SLC22A23: variants seen among roughly 807,000 people sequenced by gnomAD.
SLC22A23 encodes solute carrier family 22 member 23.
SLC22A23 carries 26 observed loss-of-function variants against 61.0 expected under a neutral mutation model. The observed-to-expected ratio is 0.43, with a 90% CI of 0.31 to 0.59. The LOEUF is 0.59. Ranked by LOEUF, SLC22A23 falls within the 20% of genes least tolerant of loss-of-function variation. SLC22A23 has a pLI of 0.11. For missense variants in SLC22A23, 796 were observed against 934.7 expected (o/e 0.85, Z 1.94); for synonymous variants, 430 against 413.9 (o/e 1.04, Z -0.47).
intron 3 of SLC22A23, among the ~76,000 whole-genome samples, chr6:3,406,205 AT>A (rs977134763): frequency 6.6e-6 from 1 of 152,180 alleles, no homozygotes; most frequent in Non-Finnish European, 1.5e-5. Flanking sequence ...TTTAAACAGT[AT>A]TTTTTATTTA....
At chr6:3,302,390 T>G (rs1437013315) in intron 4 of SLC22A23, among the ~76,000 whole-genome samples, 1 of 152,206 alleles carries the variant, frequency 6.6e-6, no homozygotes, top group Non-Finnish European at 1.5e-5. Flanking sequence ...ACTTTTTGTT[T>G]CATTGATCTT....
In SLC22A23 at chr6:3,324,115, T is replaced by G; in HGVS notation, c.914-113A>C. The stretch of plus-strand genomic sequence containing the variant: ...AACCCACCAACGACTGAAATTGTTT[T>G]CATCTGCTGCCCACCACAAGTGCCC... On this transcript the variant is annotated intron_variant, in intron 3 of 9. Coordinates refer to ENST00000406686, the MANE Select transcript of SLC22A23 (RefSeq NM_015482.2). The surrounding 1 kb of genome is among the most constrained non-coding windows in gnomAD (Gnocchi z 4.3). 7.5e-7 allele frequency: 1 copy of G among 1,336,900 alleles called. No individual in the cohort carries two copies. Among genetic ancestry groups the G allele is most frequent in the Non-Finnish European group, 1.0e-6 (1 of 969,272 alleles). The allele number at this position is 1,336,900 out of a possible 1,614,324, so 82.8% of individuals were successfully genotyped here.
intron 8 of SLC22A23, 31 bp downstream of exon 8, chr6:3,285,048 A>G (rs1442037569): frequency 1.2e-6 from 2 of 1,611,540 alleles, no homozygotes; most frequent in Non-Finnish European, 1.7e-6. Flanking sequence ...ATATGAGACG[A>G]GGAAGCACAG....
rs753504552 is a variant in SLC22A23, at chr6:3,273,234, C to T, written c.1882G>A (p.Glu628Lys). 6.2e-7 allele frequency: 1 copy of T among 1,612,822 alleles called. No individual in the cohort carries two copies. The highest frequency in any genetic ancestry group is 1.3e-5 in the African/African-American group (1 of 75,060). ...LPESRDQNLP[E>K]NISNGEHYTR... The stretch of plus-strand genomic sequence containing the variant: ...TAGTGCTCCCCGTTAGAAATGTTCT[C>T]AGGCAGGTTCTGGTCCCTGCTCTCG... Residue 628 changes from glutamate to lysine, a missense_variant, in exon 10 of 10, where the codon GAG becomes AAG. Physicochemically the swap from Glu to Lys is moderately conservative, Grantham distance 56. Transcript: ENST00000406686.
intron 3 of SLC22A23, among the ~76,000 whole-genome samples, chr6:3,337,465 A>T (rs1275914402): frequency 2.0e-5 from 3 of 149,648 alleles, no homozygotes; most frequent in African/African-American, 2.5e-5. Flanking sequence ...TTTTTTTTTA[A>T]ATCCTGCCTT....
At chr6:3,436,290 C>A (rs1771206744) in intron 1 of SLC22A23, among the ~76,000 whole-genome samples, 1 of 152,100 alleles carries the variant, frequency 6.6e-6, no homozygotes, top group Non-Finnish European at 1.5e-5. Flanking sequence ...TGCCCGCCAC[C>A]ACGTCCAGCT....
intron 3 of SLC22A23, among the ~76,000 whole-genome samples, chr6:3,362,774 C>CCT (rs1479001316): frequency 1.3e-5 from 2 of 152,144 alleles, no homozygotes; most frequent in Admixed American, 6.5e-5. Context: ...AGCAGGTAGA[C>CCT]CTCCAGGACC....
chr6:3,429,595 A>G (rs1320123695), intron 1 of SLC22A23, among the ~76,000 whole-genome samples: 1 of 152,242 alleles, frequency 6.6e-6, no homozygotes, highest in East Asian at 1.9e-4. Context: ...ATACAAAGAT[A>G]TGTACACCCA....
chr6:3,369,387 A>G (rs967680223), intron 3 of SLC22A23, among the ~76,000 whole-genome samples: 10 of 152,170 alleles, frequency 6.6e-5, no homozygotes, highest in Admixed American at 4.6e-4. Flanking sequence ...TCCATGGATA[A>G]CTGATTAGAA....
At position 3,426,494 on chromosome 6, in the gene SLC22A23, G is replaced by GA. The variant is rs35926887; in HGVS notation, c.655-10640dup. Among the ~76,000 whole-genome samples the GA allele has an allele frequency of 8.6e-3, 1,280 of 148,166 alleles. 21 individuals are homozygous for GA. The highest frequency in any genetic ancestry group is 0.03 in the African/African-American group (1,192 of 40,082). ...AAACTCTTACAACAGGAAGGATTAGGAAAAAAAAAAAATTAACATTTTAAT... is the reference window on the plus strand; with the variant it reads ...AAACTCTTACAACAGGAAGGATTAGGAAAAAAAAAAAAATTAACATTTTAAT... On this transcript the variant is annotated intron_variant, in intron 1 of 9. Coordinates refer to ENST00000406686, the MANE Select transcript of SLC22A23 (RefSeq NM_015482.2).
In SLC22A23 at chr6:3,273,108, C is replaced by T. The variant is rs150444727; in HGVS notation, c.2008G>A (p.Ala670Thr). Residue 670 changes from alanine (A) to threonine (T), a missense_variant, in exon 10 of 10, where the codon GCG (alanine) becomes ACG (threonine). Ala to Thr is a moderately conservative substitution (Grantham distance 58). Coordinates refer to ENST00000406686, the MANE Select transcript of SLC22A23 (RefSeq NM_015482.2). ...DYSGLHDAAA[A>T]GDTLPEGATA... is the part of the protein sequence containing the mutation. ...GCACCCTCGGGCAGTGTGTCACCCG[C>T]GGCTGCGGCATCGTGGAGGCCCGAG... The T allele has an allele frequency of 8.1e-5, 129 of 1,598,948 alleles. No homozygotes were observed. In the African/African-American group the frequency reaches 8.4e-4, roughly 10 times the overall value.
intron 9 of SLC22A23, among the ~76,000 whole-genome samples, chr6:3,280,141 CGAA>C (rs568725626): frequency 1.5e-3 from 222 of 152,280 alleles, no homozygotes; most frequent in Middle Eastern, 3.4e-3. Context: ...AGATGCCCAG[CGAA>C]GAAGAAGAAT....
intron 4 of SLC22A23, among the ~76,000 whole-genome samples, chr6:3,314,930 T>C (rs1762552306): frequency 5.3e-5 from 8 of 152,190 alleles, no homozygotes; most frequent in Admixed American, 5.2e-4. Flanking sequence ...GTGATCCTTC[T>C]CTAATTTCCT....
At chr6:3,278,866 C>G (rs930428110) in intron 9 of SLC22A23, among the ~76,000 whole-genome samples, 2 of 152,138 alleles carry the variant, frequency 1.3e-5, no homozygotes, top group Non-Finnish European at 2.9e-5. Flanking sequence ...CTTCCCGGCA[C>G]TAAATGTGGA....
chr6:3,439,179 C>G (rs1377054334), intron 1 of SLC22A23: 1 of 351,712 alleles, frequency 2.8e-6, no homozygotes, highest in Non-Finnish European at 5.6e-6. Flanking sequence ...TTAGCAGTAC[C>G]CCTGCCTCTA....
chr6:3,339,831 T>A (rs936977685), intron 3 of SLC22A23, among the ~76,000 whole-genome samples: 3 of 152,224 alleles, frequency 2.0e-5, no homozygotes, highest in South Asian at 2.1e-4. Flanking sequence ...TTGCGGCTGC[T>A]CTGTCTATGG....
intron 1 of SLC22A23, among the ~76,000 whole-genome samples, chr6:3,436,809 A>G (rs761588212): frequency 1.3e-5 from 2 of 152,232 alleles, no homozygotes; most frequent in Non-Finnish European, 2.9e-5. Context: ...TGCTCAGGAC[A>G]TGCCTGGTGC....
chr6:3,382,177 C>T (rs1344155125), intron 3 of SLC22A23, among the ~76,000 whole-genome samples: 1 of 152,176 alleles, frequency 6.6e-6, no homozygotes, highest in African/African-American at 2.4e-5. Context: ...AGGGTTGAGC[C>T]ACCAACTCTT....
At chr6:3,345,054 G>T (rs1433383546) in intron 3 of SLC22A23, among the ~76,000 whole-genome samples, 1 of 152,218 alleles carries the variant, frequency 6.6e-6, no homozygotes, top group Non-Finnish European at 1.5e-5. Flanking sequence ...GGCTAAGACT[G>T]TAATAAATAT....
Sources: gnomAD v4.1 joint callset for allele counts (sites outside exome capture counted in the v4.1 genomes callset) on GRCh38, gnomAD v4.1.1 for gene constraint, Gnocchi (gnomAD v3.1) non-coding constraint, MANE v1.5 for transcripts, NCBI Gene and HGNC (gene_info 2026-07-23, HGNC 2026-07-21) for gene names.